Variants in ZNF423 observed in about 807,000 individuals in gnomAD.
ZNF423 encodes zinc finger protein 423.
A neutral mutation model predicts 95.8 loss-of-function variants in ZNF423; 12 were observed. That is an observed-to-expected ratio of 0.13 (90% CI 0.08 to 0.20). The LOEUF is 0.20. ZNF423 is among the 10% of genes least tolerant of loss of function. ZNF423 has a pLI of 1.00. For synonymous variants in ZNF423, 749 were observed against 711.9 expected, an observed-to-expected ratio of 1.05 and a Z score of -0.83; for missense variants, 1,316 against 1,737.1, an observed-to-expected ratio of 0.76 and a Z score of 4.31.
At chr16:49,733,457 T>C (rs1008356846) in intron 2 of ZNF423, among the ~76,000 whole-genome samples, 5 of 152,250 alleles carry the variant, frequency 3.3e-5, no homozygotes, top group Non-Finnish European at 7.3e-5. Context: ...ACAATGTATT[T>C]GATCTCTTTA....
intron 3 of ZNF423, among the ~76,000 whole-genome samples, chr16:49,699,726 T>G (rs1177678823): frequency 1.3e-5 from 2 of 152,238 alleles, no homozygotes; most frequent in African/African-American, 2.4e-5. Context: ...TATTTTTGAG[T>G]GCTCTTACCA....
chr16:49,678,131 C>T (rs1051938950), intron 3 of ZNF423, among the ~76,000 whole-genome samples: 1 of 151,840 alleles, frequency 6.6e-6, no homozygotes, highest in African/African-American at 2.4e-5. Flanking sequence ...TGCAGTGAGC[C>T]AAGATCGCGC....
Position 49,709,050 on chromosome 16 carries a change from A to G in ZNF423, c.301+21721T>C, listed in dbSNP as rs141823348. On this transcript the variant is annotated intron_variant, in intron 3 of 7. Coordinates refer to ENST00000563137, the MANE Select transcript of ZNF423 (RefSeq NM_001379286.1). ...ATAGTTATTTCAGCAAACATTTACAAGACACCTACTATGTACCAGGCCCTG... is the reference window on the plus strand; with the variant it reads ...ATAGTTATTTCAGCAAACATTTACAGGACACCTACTATGTACCAGGCCCTG... Among the ~76,000 whole-genome samples, 676 of 152,044 alleles carry G rather than the reference A, an allele frequency of 4.4e-3. 7 individuals are homozygous for G. Among genetic ancestry groups the G allele is most frequent in the African/African-American group, 0.016 (647 of 41,422 alleles).
intron 3 of ZNF423, among the ~76,000 whole-genome samples, chr16:49,689,603 T>C (rs1596860750): frequency 1.3e-5 from 2 of 152,018 alleles, no homozygotes; most frequent in South Asian, 2.1e-4. Flanking sequence ...ACAAGGATAT[T>C]GCCCTCTCCC....
rs575761523 is a variant in ZNF423 at position 49,593,749 on chromosome 16, C to T, written c.3601+32421G>A. Among the ~76,000 whole-genome samples the T allele has an allele frequency of 1.1e-4, 17 of 152,288 alleles. No individual in the cohort carries two copies. In the South Asian group the frequency reaches 3.1e-3, roughly 28 times the overall value. On this transcript the variant is annotated intron_variant, in intron 5 of 7. Coordinates refer to ENST00000563137, the MANE Select transcript of ZNF423 (RefSeq NM_001379286.1). ...CGAGAAGCCCCCAAGACCAGCACCGCTGGTGTGGGACCTGGAAGAAATCCA... is the reference window on the plus strand; with the variant it reads ...CGAGAAGCCCCCAAGACCAGCACCGTTGGTGTGGGACCTGGAAGAAATCCA...
intron 1 of ZNF423, among the ~76,000 whole-genome samples, chr16:49,794,417 G>A (rs1402228154): frequency 6.6e-6 from 1 of 151,920 alleles, no homozygotes; most frequent in Non-Finnish European, 1.5e-5. Context: ...TTCCTCTCCT[G>A]TCGGTCACCT....
At chr16:49,762,379 A>C (rs546462287) in intron 2 of ZNF423, among the ~76,000 whole-genome samples, 1 of 152,294 alleles carries the variant, frequency 6.6e-6, no homozygotes, top group African/African-American at 2.4e-5. Flanking sequence ...ATAGGAGCCC[A>C]TGATGCCCAG....
At chr16:49,662,274 G>A (rs527864382) in intron 3 of ZNF423, among the ~76,000 whole-genome samples, 1 of 152,264 alleles carries the variant, frequency 6.6e-6, no homozygotes, top group East Asian at 1.9e-4. Context: ...TTCCAATGAA[G>A]GGGAATCCAC....
intron 1 of ZNF423, among the ~76,000 whole-genome samples, chr16:49,841,084 C>G (rs1481190736): frequency 6.6e-6 from 1 of 152,232 alleles, no homozygotes; most frequent in Non-Finnish European, 1.5e-5. Flanking sequence ...CTCCTCACCT[C>G]TCTCCTGGGA....
intron 2 of ZNF423, among the ~76,000 whole-genome samples, chr16:49,736,391 C>T (rs1307958564): frequency 3.3e-5 from 5 of 152,192 alleles, no homozygotes; most frequent in Non-Finnish European, 7.3e-5. Flanking sequence ...AACCCCACTA[C>T]ACCACACCCA....
At chr16:49,547,946 C>G (rs540369075) in intron 5 of ZNF423, among the ~76,000 whole-genome samples, 3 of 152,196 alleles carry the variant, frequency 2.0e-5, no homozygotes, top group African/African-American at 7.2e-5. Context: ...CGGCCTCCTT[C>G]CACTTTCCCT....
chr16:49,563,854 C>T (rs1193897896), intron 5 of ZNF423, among the ~76,000 whole-genome samples: 4 of 152,248 alleles, frequency 2.6e-5, no homozygotes, highest in African/African-American at 9.6e-5. Context: ...AGGCAAGAAA[C>T]CACGAGAATT....
At chr16:49,691,596 G>A in intron 3 of ZNF423, among the ~76,000 whole-genome samples, 1 of 152,106 alleles carries the variant, frequency 6.6e-6, no homozygotes, top group Non-Finnish European at 1.5e-5. Flanking sequence ...GCTGGGCATG[G>A]TGATGGGTGC....
intron 5 of ZNF423, among the ~76,000 whole-genome samples, chr16:49,562,220 A>G (rs972723116): frequency 2.0e-5 from 3 of 152,246 alleles, no homozygotes; most frequent in Non-Finnish European, 2.9e-5. Flanking sequence ...GAAAAACACC[A>G]AAGAATTAGC....
intron 5 of ZNF423, among the ~76,000 whole-genome samples, chr16:49,574,163 T>G (rs779716646): frequency 2.6e-5 from 4 of 152,188 alleles, no homozygotes; most frequent in Non-Finnish European, 4.4e-5. Flanking sequence ...GCGGGAGGAC[T>G]GCTTGAGGTC....
intron 2 of ZNF423, among the ~76,000 whole-genome samples, chr16:49,733,461 C>T (rs2033216172): frequency 6.6e-6 from 1 of 152,200 alleles, no homozygotes; most frequent in Non-Finnish European, 1.5e-5. Flanking sequence ...TGTATTTGAT[C>T]TCTTTAAATC....
rs761550481 is a variant in ZNF423, at chr16:49,637,731, A to G, written c.1445T>C (p.Phe482Ser). 3.7e-6 allele frequency: 6 copies of G among 1,614,044 alleles called. No homozygotes were observed. In the South Asian group the frequency reaches 6.6e-5, roughly 18 times the overall value. Reference sequence around the variant, plus strand: ...GCAGTGGAAGGCAGAGATGTTGCCAAACTGCATCACAGGGTAGGCATGGTT... The same window carrying G: ...GCAGTGGAAGGCAGAGATGTTGCCAGACTGCATCACAGGGTAGGCATGGTT... ...HKNHAYPVMQ[F>S]GNISAFHCNY... The change falls in exon 4 of 8, where the codon TTT becomes TCT. Residue 482 changes from phenylalanine (F) to serine (S), a missense_variant. Physicochemically the swap from Phe to Ser is radical, Grantham distance 155. Coordinates refer to ENST00000563137, the MANE Select transcript of ZNF423 (RefSeq NM_001379286.1). This position sits in a 1 kb window ranked among gnomAD's most constrained non-coding sequence, Gnocchi z 5.6.
rs889610993 is a variant in ZNF423, at chr16:49,491,414, T to C, written c.3850-110A>G. ...GAGCCGCAGAAAAGCGTCTCGATTA[T>C]AACAAAACAAAATGCAACAAGGAAA... is the stretch of plus-strand genomic sequence containing the variant. On this transcript the variant is annotated intron_variant, in intron 7 of 7. Transcript: ENST00000563137. The C allele has an allele frequency of 6.5e-5, 89 of 1,375,940 alleles. No individual in the cohort carries two copies. In the Middle Eastern group the frequency reaches 7.1e-4, roughly 11 times the overall value. 85.2% of individuals were successfully genotyped at this position (1,375,940 alleles called of 1,614,324 possible). A position where few individuals can be genotyped will look rare whatever the true frequency, so the allele number is the denominator to read the frequency against.
At chr16:49,493,086 C>CCA in intron 7 of ZNF423, among the ~76,000 whole-genome samples, 1 of 152,124 alleles carries the variant, frequency 6.6e-6, no homozygotes, top group Admixed American at 6.5e-5. Flanking sequence ...GGGATGCAGG[C>CCA]GGTTTCCATG....
Sources: gnomAD v4.1 joint callset for allele counts (sites outside exome capture counted in the v4.1 genomes callset) on GRCh38, gnomAD v4.1.1 for gene constraint, Gnocchi (gnomAD v3.1) non-coding constraint, MANE v1.5 for transcripts, NCBI Gene and HGNC (gene_info 2026-07-23, HGNC 2026-07-21) for gene names.